WIPF2: variants seen among roughly 807,000 people sequenced by gnomAD.
WIPF2 encodes WAS/WASL-interacting protein family member 2.
A neutral mutation model predicts 38.8 loss-of-function variants in WIPF2; 23 were observed. That is an observed-to-expected ratio of 0.59 (90% CI 0.43 to 0.84). The LOEUF (loss-of-function observed/expected upper bound fraction) is 0.84. Ranked by LOEUF, WIPF2 falls within the 40% of genes least tolerant of loss-of-function variation. The pLI is 0.00. For missense variants in WIPF2, 574 were observed against 580.5 expected (o/e 0.99, Z 0.11); for synonymous variants, 210 against 223.2 (o/e 0.94, Z 0.53).
intron 7 of WIPF2, 35 bp from the exon 8 acceptor site, chr17:40,278,150 T>A: frequency 6.2e-7 from 1 of 1,602,764 alleles, no homozygotes; most frequent in East Asian, 2.2e-5. Context: ...GTGGGTGACC[T>A]GTATGTGTGT....
rs760392805 is a variant in WIPF2, at chr17:40,264,705, C to T, written c.529C>T (p.Pro177Ser). The T allele has an allele frequency of 3.7e-6, 6 of 1,612,832 alleles. No homozygotes were observed. The highest frequency in any genetic ancestry group is 3.3e-4 in the Middle Eastern group (2 of 6,048). The change falls in exon 5 of 8, where the codon CCT becomes TCT. Residue 177 changes from proline to serine, a missense_variant. Transcript: ENST00000323571. The part of the protein sequence containing the change: ...STGMKHSSSA[P>S]PPPPPGRRAN... ...GGGCATGAAGCACAGCTCCTCTGCC[C>T]CTCCCCCACCACCCCCAGGGCGGCG...
chr17:40,226,200 AAAAAAAAAT>A (rs1466627162), intron 1 of WIPF2, among the ~76,000 whole-genome samples: 1 of 147,754 alleles, frequency 6.8e-6, no homozygotes, highest in Admixed American at 6.8e-5. Context: ...AAAAAAAAAA[AAAAAAAAAT>A]TTTTTTTTTT....
chr17:40,248,047 G>C (rs779618298), intron 1 of WIPF2, among the ~76,000 whole-genome samples: 6 of 149,558 alleles, frequency 4.0e-5, no homozygotes, highest in Non-Finnish European at 8.9e-5. Context: ...AAGTGGACTT[G>C]GTCATTTTGA....
At chr17:40,261,223 C>T (rs2031891486) in intron 3 of WIPF2, among the ~76,000 whole-genome samples, 1 of 151,944 alleles carries the variant, frequency 6.6e-6, no homozygotes, top group African/African-American at 2.4e-5. Context: ...ACGTATTGGT[C>T]CCTGATTCTT....
At chr17:40,274,557 GAAAAAAA>G (rs571085371) in intron 6 of WIPF2, among the ~76,000 whole-genome samples, 88 of 24,756 alleles carry the variant, frequency 3.6e-3, no homozygotes, top group African/African-American at 9.8e-3. Context: ...TGGAATTCTT[GAAAAAAA>G]AAAAAAAAAA....
intron 1 of WIPF2, among the ~76,000 whole-genome samples, chr17:40,225,112 G>A (rs1412544501): frequency 2.0e-5 from 3 of 151,990 alleles, no homozygotes; most frequent in Non-Finnish European, 4.4e-5. Flanking sequence ...TTTACTGAAT[G>A]TTCTTGCGGT....
chr17:40,271,394 A>G (rs897533816), intron 5 of WIPF2, among the ~76,000 whole-genome samples: 3 of 152,164 alleles, frequency 2.0e-5, no homozygotes, highest in Non-Finnish European at 2.9e-5. Flanking sequence ...CTATAATCCC[A>G]GCCCTTTGCT....
intron 1 of WIPF2, among the ~76,000 whole-genome samples, chr17:40,256,096 TAAAAAAA>T (rs892748332): frequency 2.2e-4 from 21 of 96,968 alleles, no homozygotes; most frequent in East Asian, 1.9e-3. Context: ...CCAGGGTCTT[TAAAAAAA>T]AAAAAAAAAA....
At chr17:40,226,405 C>T (rs937428048) in intron 1 of WIPF2, among the ~76,000 whole-genome samples, 41 of 150,488 alleles carry the variant, frequency 2.7e-4, no homozygotes, top group African/African-American at 8.8e-4. Context: ...TTAGTAGAGA[C>T]GGGATTTCAC....
chr17:40,260,571 C>T lies in WIPF2; in HGVS notation c.100C>T (p.Gln34Ter). The T allele has an allele frequency of 6.2e-7, 1 of 1,613,858 alleles. No homozygotes were observed. Among genetic ancestry groups the T allele is most frequent in the Non-Finnish European group, 8.5e-7 (1 of 1,179,962 alleles). Residue 34 changes from glutamine (Q) to a stop codon, truncating the protein, a stop_gained, in exon 3 of 8, where the codon CAG becomes TAG. Coordinates refer to ENST00000323571, the MANE Select transcript of WIPF2 (RefSeq NM_133264.5). LOFTEE classifies it high-confidence loss of function. ...GCAGCCCAAGCTGAGTAGAGATGAG[C>T]AGCGGGGTCGAGGCGCCCTCTTACA... ...TEQPKLSRDEQRGRGALLQDI... is the reference protein window; with the variant it reads ...TEQPKLSRDE
intron 1 of WIPF2, among the ~76,000 whole-genome samples, chr17:40,230,356 AAG>A (rs2030687729): frequency 6.6e-6 from 1 of 152,104 alleles, no homozygotes; most frequent in Non-Finnish European, 1.5e-5. Flanking sequence ...CAACAACTAA[AAG>A]AGTAATAGGA....
chr17:40,230,190 T>C (rs915282638), intron 1 of WIPF2, among the ~76,000 whole-genome samples: 2 of 152,066 alleles, frequency 1.3e-5, no homozygotes, highest in African/African-American at 4.8e-5. Context: ...AATTAAAATA[T>C]TAGCTGGGCA....
rs1322913636 is a variant in WIPF2 at position 40,280,566 on chromosome 17, TACTG to T, written c.*2344_*2347del. Reference sequence around the variant, plus strand: ...TACTGCATCAGAGTTCCAGGGCAGATACTGACAAGTGACTGAACTTTGACTGTGA... The same window carrying T: ...TACTGCATCAGAGTTCCAGGGCAGATACAAGTGACTGAACTTTGACTGTGA... On this transcript the variant is annotated 3_prime_UTR_variant, in exon 8 of 8. Transcript: ENST00000323571. The T allele has an allele frequency of 6.6e-6, 1 of 152,608 alleles. No individual in the cohort carries two copies. The allele number at this position is 152,608 out of a possible 1,614,324, so 9.5% of individuals were successfully genotyped here.
chr17:40,275,237 T>G (rs2145414269), intron 6 of WIPF2, among the ~76,000 whole-genome samples: 1 of 120,894 alleles, frequency 8.3e-6, no homozygotes, highest in African/African-American at 3.3e-5. Context: ...CAAGACTCCG[T>G]CTCAAAAAAA....
chr17:40,262,462 A>T (rs2031943069), intron 3 of WIPF2, 63 bp from the exon 4 acceptor site: 3 of 1,344,032 alleles, frequency 2.2e-6, no homozygotes, highest in Non-Finnish European at 3.2e-6. Context: ...GTTTCCCCTC[A>T]TGATTTACTT....
chr17:40,256,877 G>C (rs1365225072), intron 2 of WIPF2, among the ~76,000 whole-genome samples: 2 of 152,114 alleles, frequency 1.3e-5, no homozygotes, highest in East Asian at 3.8e-4. Context: ...ATGGAGATTT[G>C]GACAGGTGGC....
At chr17:40,242,827 G>C (rs2031237687) in intron 1 of WIPF2, among the ~76,000 whole-genome samples, 1 of 152,212 alleles carries the variant, frequency 6.6e-6, no homozygotes, top group South Asian at 2.1e-4. Context: ...ATTTACTGCA[G>C]TTGACTATTT....
intron 1 of WIPF2, among the ~76,000 whole-genome samples, chr17:40,228,315 A>G (rs1030741710): frequency 5.3e-5 from 8 of 151,918 alleles, no homozygotes; most frequent in African/African-American, 1.9e-4. Context: ...GCGCCCGGCC[A>G]TTTTTATACC....
intron 2 of WIPF2, among the ~76,000 whole-genome samples, chr17:40,258,135 C>T (rs1358235763): frequency 1.3e-5 from 2 of 152,340 alleles, no homozygotes; most frequent in Middle Eastern, 3.4e-3. Context: ...GAGTGGCTCA[C>T]GCCTGGAATC....
Sources: allele counts gnomAD v4.1 joint callset (sites outside exome capture counted in the v4.1 genomes callset), GRCh38; gene constraint gnomAD v4.1.1; transcripts MANE v1.5; gene names NCBI Gene and HGNC (gene_info 2026-07-23, HGNC 2026-07-21).